The following EMCN variants were observed in gnomAD, a reference collection of about 807,000 sequenced individuals.
The protein encoded by EMCN is MUC-14.
Under a neutral mutation model 38.4 loss-of-function variants are expected in EMCN, and 37 were observed. The ratio of observed to expected loss-of-function variants is 0.96; its 90% confidence interval spans 0.74 to 1.27. The LOEUF is 1.27. Among genes scored for constraint, EMCN ranks in the 50% most tolerant of loss-of-function variants. The probability of loss-of-function intolerance (pLI) is 0.00; values close to 1 mark genes in which losing one functional copy is unlikely to be tolerated. For missense variants in EMCN, 318 were observed against 302.8 expected (o/e 1.05, Z -0.37); for synonymous variants, 95 against 100.8 (o/e 0.94, Z 0.35).
chr4:100,415,888 G>A lies in EMCN; in HGVS notation c.751+10C>T. On this transcript the variant is annotated intron_variant, in intron 10 of 11. Coordinates refer to ENST00000296420, the MANE Select transcript of EMCN (RefSeq NM_016242.4). Reference sequence around the variant, plus strand: ...TAATTTTCATCTAATCAACTTGTCTGGAAACTTACCAGACTCATGAGAAAT... The same window carrying A: ...TAATTTTCATCTAATCAACTTGTCTAGAAACTTACCAGACTCATGAGAAAT... The A allele has an allele frequency of 6.4e-7, 1 of 1,566,758 alleles. No homozygotes were observed. Among genetic ancestry groups the A allele is most frequent in the South Asian group, 1.2e-5 (1 of 83,762 alleles).
chr4:100,486,717 G>T, intron 1 of EMCN: 1 of 408,938 alleles, frequency 2.4e-6, no homozygotes, highest in Non-Finnish European at 3.3e-6. Context: ...CCACCTGGCC[G>T]CTCTGGGGAG....
intron 1 of EMCN, among the ~76,000 whole-genome samples, chr4:100,517,581 A>G (rs1729791191): frequency 6.6e-6 from 1 of 152,094 alleles, no homozygotes; most frequent in African/African-American, 2.4e-5. Context: ...TTTATACTCT[A>G]AAGAGGCCAT....
At chr4:100,458,081 A>C (rs1728069185) in intron 4 of EMCN, among the ~76,000 whole-genome samples, 1 of 150,544 alleles carries the variant, frequency 6.6e-6, no homozygotes, top group African/African-American at 2.5e-5. Flanking sequence ...GTGCCACTGC[A>C]CTCCAGCCTG....
Position 100,421,430 on chromosome 4 carries a change from G to A in EMCN, c.569-53C>T, listed in dbSNP as rs1475299443. 14 of 1,427,180 alleles carry A rather than the reference G, an allele frequency of 9.8e-6. No homozygotes were observed. In the Admixed American group the frequency reaches 1.2e-4, roughly 12 times the overall value. The allele number at this position is 1,427,180 out of a possible 1,614,324, so 88.4% of individuals were successfully genotyped here. On this transcript the variant is annotated intron_variant, in intron 7 of 11. Transcript: ENST00000296420. ...TAGAGTGGCTACTGAATTTCACAGC[G>A]ATAGTTTGGTAAGTGAGCCAAAGCA...
At position 100,402,185 on chromosome 4, in the gene EMCN, A is replaced by C. The variant is rs571059384; in HGVS notation, c.*40-3812T>G. On this transcript the variant is annotated intron_variant, in intron 11 of 11. Transcript: ENST00000296420. The stretch of plus-strand genomic sequence containing the variant: ...TAAAGCTTTGCAGAAGGCAAGGTTT[A>C]TAGCTCATAAATGTTTCAAAATTCC... 2.8e-4 allele frequency among the ~76,000 whole-genome samples: 42 copies of C among 152,284 alleles called. No homozygotes were observed. In the East Asian group the frequency reaches 6.6e-3, roughly 24 times the overall value.
At chr4:100,515,131 C>G (rs1355727507) in intron 1 of EMCN, among the ~76,000 whole-genome samples, 1 of 152,064 alleles carries the variant, frequency 6.6e-6, no homozygotes. Context: ...CTGAGAATGC[C>G]TACAACATTT....
intron 1 of EMCN, among the ~76,000 whole-genome samples, chr4:100,484,925 TG>T (rs1728901419): frequency 6.6e-6 from 1 of 152,190 alleles, no homozygotes; most frequent in Non-Finnish European, 1.5e-5. Flanking sequence ...AATCTGTTTT[TG>T]TTTCTAATTA....
chr4:100,493,046 TATC>T (rs1339691437), intron 1 of EMCN, among the ~76,000 whole-genome samples: 1 of 152,224 alleles, frequency 6.6e-6, no homozygotes, highest in Non-Finnish European at 1.5e-5. Context: ...CACTTGAATT[TATC>T]ATGTTTATAA....
intron 2 of EMCN, among the ~76,000 whole-genome samples, chr4:100,478,687 A>AT (rs1728725828): frequency 6.6e-6 from 1 of 152,184 alleles, no homozygotes; most frequent in African/African-American, 2.4e-5. Context: ...ATAGCTGTCT[A>AT]TTTTTATAAT....
At chr4:100,458,515 T>C (rs1184259708) in intron 4 of EMCN, among the ~76,000 whole-genome samples, 1 of 152,210 alleles carries the variant, frequency 6.6e-6, no homozygotes, top group East Asian at 1.9e-4. Flanking sequence ...TAAGGGATAT[T>C]CAACTTGTAT....
At chr4:100,499,910 A>G (rs1195569341) in intron 1 of EMCN, among the ~76,000 whole-genome samples, 1 of 152,212 alleles carries the variant, frequency 6.6e-6, no homozygotes, top group Admixed American at 6.5e-5. Flanking sequence ...AACCCTAAAT[A>G]GGTAAGGTTT....
chr4:100,401,208 T>G (rs1174651273), intron 11 of EMCN, among the ~76,000 whole-genome samples: 1 of 152,170 alleles, frequency 6.6e-6, no homozygotes, highest in African/African-American at 2.4e-5. Flanking sequence ...TGGCCTTCCA[T>G]ATCTGTGGGT....
rs547585989 is a variant in EMCN, at chr4:100,397,072, A to G, written c.*1341T>C. On this transcript the variant is annotated 3_prime_UTR_variant, in exon 12 of 12. Transcript: ENST00000296420. ...AGGAAACTAAAATCAAGGTGATTATATAACTCCTAAAGATGGAAGTTGTCA... is the reference window on the plus strand; with the variant it reads ...AGGAAACTAAAATCAAGGTGATTATGTAACTCCTAAAGATGGAAGTTGTCA... 2.0e-5 allele frequency: 3 copies of G among 152,228 alleles called. No homozygotes were observed. Among genetic ancestry groups the G allele is most frequent in the African/African-American group, 7.2e-5 (3 of 41,552 alleles). The allele number at this position is 152,228 out of a possible 1,614,324, so 9.4% of individuals were successfully genotyped here. A position where few individuals can be genotyped will look rare whatever the true frequency, so the allele number is the denominator to read the frequency against.
intron 1 of EMCN, chr4:100,487,147 C>T: frequency 2.8e-5 from 10 of 355,992 alleles, no homozygotes; most frequent in Non-Finnish European, 3.9e-5. Flanking sequence ...TCCCTTTCTT[C>T]CTCCATACAG....
chr4:100,500,810 A>C (rs750319393), intron 1 of EMCN, among the ~76,000 whole-genome samples: 25 of 152,100 alleles, frequency 1.6e-4, no homozygotes, highest in Non-Finnish European at 3.4e-4. Flanking sequence ...GCTGTCACTA[A>C]TTTTGAGCTA....
chr4:100,411,916 A>C (rs1433855401), intron 10 of EMCN, among the ~76,000 whole-genome samples: 1 of 152,122 alleles, frequency 6.6e-6, no homozygotes, highest in Non-Finnish European at 1.5e-5. Flanking sequence ...TGGCTTTATA[A>C]ATTTGTGAAT....
Position 100,473,933 on chromosome 4 carries a change from T to A in EMCN, c.259+1105A>T, listed in dbSNP as rs560564068. ...CAACTGGCAACAACTAGCTCAGTGG[T>A]TGGAGTGAGAAAAAGCTCCAAAGCA... On this transcript the variant is annotated intron_variant, in intron 3 of 11. Coordinates refer to ENST00000296420, the MANE Select transcript of EMCN (RefSeq NM_016242.4). 3 of 153,058 alleles carry A rather than the reference T, an allele frequency of 2.0e-5. 1 individual carries two copies. The highest frequency in any genetic ancestry group is 7.2e-5 in the African/African-American group (3 of 41,544). 9.5% of individuals were successfully genotyped at this position (153,058 alleles called of 1,614,324 possible). A position where few individuals can be genotyped will look rare whatever the true frequency, so the allele number is the denominator to read the frequency against.
intron 2 of EMCN, 116 bp from the exon 3 acceptor site, chr4:100,475,225 T>A (rs949064492): frequency 2.3e-6 from 1 of 437,116 alleles, no homozygotes; most frequent in Non-Finnish European, 4.0e-6. Flanking sequence ...TATCTTTAAT[T>A]TTTCCCATTT....
chr4:100,461,315 C>CT (rs570211288), intron 4 of EMCN, among the ~76,000 whole-genome samples: 8 of 151,916 alleles, frequency 5.3e-5, no homozygotes, highest in East Asian at 3.9e-4. Flanking sequence ...TCACCACTTG[C>CT]TTTTTTTTAC....
Sources: gnomAD v4.1 joint callset for allele counts (sites outside exome capture counted in the v4.1 genomes callset) on GRCh38, gnomAD v4.1.1 for gene constraint, MANE v1.5 for transcripts, NCBI Gene and HGNC (gene_info 2026-07-23, HGNC 2026-07-21) for gene names.